MALRD1: variants seen among roughly 807,000 people sequenced by gnomAD.
The protein encoded by MALRD1 is MAM and LDL-receptor class A domain-containing protein 1.
A neutral mutation model predicts 242.1 loss-of-function variants in MALRD1; 247 were observed. The observed-to-expected ratio is 1.02, with a 90% CI of 0.92 to 1.13. MALRD1 has a LOEUF of 1.13. Ranked by LOEUF, MALRD1 falls within the 50% of genes most tolerant of loss-of-function variation. The pLI is 0.00. For synonymous variants in MALRD1, 995 were observed against 866.6 expected (o/e 1.15, Z -2.60); for missense variants, 2,989 against 2,533.1 (o/e 1.18, Z -3.86).
At chr10:19,593,451 C>A (rs1353549353) in intron 33 of MALRD1, among the ~76,000 whole-genome samples, 2 of 152,166 alleles carry the variant, frequency 1.3e-5, no homozygotes, top group African/African-American at 4.8e-5. Context: ...GCTATATCAT[C>A]TTTACATATA....
At chr10:19,683,162 A>G (rs1256557275) in intron 36 of MALRD1, among the ~76,000 whole-genome samples, 1 of 152,208 alleles carries the variant, frequency 6.6e-6, no homozygotes, top group African/African-American at 2.4e-5. Context: ...AGTTTTCAAA[A>G]TGGCAGAATT....
At chr10:19,384,680 A>G (rs1464678203) in intron 26 of MALRD1, among the ~76,000 whole-genome samples, 1 of 136,766 alleles carries the variant, frequency 7.3e-6, no homozygotes, top group African/African-American at 2.7e-5. Context: ...ATTATATAAT[A>G]TATAGTATAG....
intron 18 of MALRD1, among the ~76,000 whole-genome samples, chr10:19,230,590 C>T (rs963322513): frequency 6.6e-6 from 1 of 152,170 alleles, no homozygotes; most frequent in Admixed American, 6.6e-5. Flanking sequence ...CTGTCTCCAA[C>T]ATTGGGGATC....
At chr10:19,142,934 T>C (rs1255348127) in intron 10 of MALRD1, among the ~76,000 whole-genome samples, 1 of 152,256 alleles carries the variant, frequency 6.6e-6, no homozygotes, top group Admixed American at 6.5e-5. Flanking sequence ...AGTGAAGTTC[T>C]TGAACTTTTA....
intron 34 of MALRD1, among the ~76,000 whole-genome samples, chr10:19,603,675 G>A (rs1028520993): frequency 2.0e-5 from 3 of 152,058 alleles, no homozygotes; most frequent in South Asian, 2.1e-4. Flanking sequence ...TTGGCAATGC[G>A]GGCCCTTTTT....
At chr10:19,692,639 A>C (rs1009449326) in intron 38 of MALRD1, 85 bp downstream of exon 38, 2 of 1,034,818 alleles carry the variant, frequency 1.9e-6, no homozygotes, top group Non-Finnish European at 2.8e-6. Flanking sequence ...TTTTTCTTTC[A>C]CTCCATATTA....
At chr10:19,375,536 C>A (rs1845558686) in intron 26 of MALRD1, among the ~76,000 whole-genome samples, 1 of 152,124 alleles carries the variant, frequency 6.6e-6, no homozygotes, top group South Asian at 2.1e-4. Context: ...CACACATCCT[C>A]ACCATACTGT....
intron 33 of MALRD1, among the ~76,000 whole-genome samples, chr10:19,591,118 G>A (rs1489151796): frequency 6.6e-6 from 1 of 151,966 alleles, no homozygotes; most frequent in African/African-American, 2.4e-5. Flanking sequence ...CCATAATTTT[G>A]CCTTTTCTAG....
At chr10:19,157,160 T>C (rs1052338635) in intron 12 of MALRD1, among the ~76,000 whole-genome samples, 2 of 152,182 alleles carry the variant, frequency 1.3e-5, no homozygotes, top group Non-Finnish European at 2.9e-5. Flanking sequence ...GAGAATGTTA[T>C]TGATAGTCTG....
chr10:19,616,191 G>T (rs1252761753), intron 36 of MALRD1, among the ~76,000 whole-genome samples: 1 of 151,688 alleles, frequency 6.6e-6, no homozygotes, highest in Non-Finnish European at 1.5e-5. Flanking sequence ...ACTATTCCTT[G>T]CATTTATTAT....
At position 19,450,358 on chromosome 10, in the gene MALRD1, A is replaced by T. The variant is rs1255426093; in HGVS notation, c.4897A>T (p.Asn1633Tyr). Residue 1633 changes from asparagine (N) to tyrosine (Y), a missense_variant, in exon 29 of 40, where the codon AAT becomes TAT. By Grantham distance (143) the Asn-to-Tyr change is moderately radical (BLOSUM62 -2). Coordinates refer to ENST00000454679, the MANE Select transcript of MALRD1 (RefSeq NM_001142308.3). ...GCAAGAAAGTAAGCAGAACCCTGGT[A>T]ATCATTGGCAAAAGGCTGACATCCT... The part of the protein sequence containing the change: ...VWQESKQNPG[N>Y]HWQKADILLG... 1.3e-6 allele frequency: 2 copies of T among 1,549,642 alleles called. No homozygotes were observed. The highest frequency in any genetic ancestry group is 2.4e-5 in the East Asian group (1 of 40,922).
chr10:19,671,979 A>G (rs1004424333), intron 36 of MALRD1, among the ~76,000 whole-genome samples: 2 of 152,004 alleles, frequency 1.3e-5, no homozygotes, highest in Non-Finnish European at 2.9e-5. Context: ...GCCCTAACCA[A>G]CTAGAGTGTC....
At chr10:19,400,883 G>A (rs769258293) in intron 28 of MALRD1, among the ~76,000 whole-genome samples, 17 of 152,084 alleles carry the variant, frequency 1.1e-4, no homozygotes, top group Non-Finnish European at 2.5e-4. Flanking sequence ...AGGCGTGGTG[G>A]CACGTTCCTG....
intron 1 of MALRD1, among the ~76,000 whole-genome samples, chr10:19,058,926 C>A (rs1199985318): frequency 6.6e-6 from 1 of 152,040 alleles, no homozygotes; most frequent in Non-Finnish European, 1.5e-5. Flanking sequence ...CTCTACCTTT[C>A]TTTGTTTAGT....
intron 28 of MALRD1, among the ~76,000 whole-genome samples, chr10:19,406,934 A>AT (rs761515831): frequency 4.6e-5 from 7 of 152,036 alleles, no homozygotes; most frequent in South Asian, 2.1e-4. Flanking sequence ...AATATATCAG[A>AT]TTTTTTTTAG....
At chr10:19,384,588 ATATT>A (rs1386864514) in intron 26 of MALRD1, among the ~76,000 whole-genome samples, 7 of 126,448 alleles carry the variant, frequency 5.5e-5, no homozygotes, top group South Asian at 2.2e-4. Context: ...TATTTACTAT[ATATT>A]ATATAATATA....
chr10:19,054,650 T>C (rs964016207), intron 1 of MALRD1, among the ~76,000 whole-genome samples: 2 of 152,228 alleles, frequency 1.3e-5, no homozygotes, highest in Non-Finnish European at 1.5e-5. Context: ...AGTGAGATTG[T>C]GTGGTATTTG....
chr10:19,370,821 C>T (rs1426280919), intron 26 of MALRD1, among the ~76,000 whole-genome samples: 1 of 152,142 alleles, frequency 6.6e-6, no homozygotes, highest in Admixed American at 6.5e-5. Flanking sequence ...AAGTAATCTG[C>T]CTGCCTTGGC....
At chr10:19,181,897 T>C (rs1222472223) in intron 14 of MALRD1, among the ~76,000 whole-genome samples, 2 of 152,108 alleles carry the variant, frequency 1.3e-5, no homozygotes, top group Non-Finnish European at 2.9e-5. Flanking sequence ...GTCTATTAGG[T>C]AAGAAATGTA....
Sources: gnomAD v4.1 joint callset for allele counts (sites outside exome capture counted in the v4.1 genomes callset) on GRCh38, gnomAD v4.1.1 for gene constraint, MANE v1.5 for transcripts, NCBI Gene and HGNC (gene_info 2026-07-23, HGNC 2026-07-21) for gene names.